CLPTM1L: variants seen among roughly 807,000 people sequenced by gnomAD.
The protein encoded by CLPTM1L is lipid scramblase CLPTM1L.
CLPTM1L carries 38 observed loss-of-function variants against 70.9 expected under a neutral mutation model. The observed-to-expected ratio is 0.54, with a 90% CI of 0.41 to 0.70. The LOEUF (loss-of-function observed/expected upper bound fraction) is 0.70. Among genes scored for constraint, CLPTM1L ranks in the 30% least tolerant of loss-of-function variants. The pLI is 0.00. For missense variants in CLPTM1L, 652 were observed against 705.9 expected, an observed-to-expected ratio of 0.92 and a Z score of 0.87; for synonymous variants, 339 against 299.9, an observed-to-expected ratio of 1.13 and a Z score of -1.35.
At chr5:1,323,737 G>A in intron 12 of CLPTM1L, 50 bp downstream of exon 12, 1 of 1,514,122 alleles carries the variant, frequency 6.6e-7, no homozygotes, top group Non-Finnish European at 9.2e-7. Context: ...TCATCCAAAT[G>A]GCTTTCTCAG....
intron 3 of CLPTM1L, 84 bp downstream of exon 3, chr5:1,341,586 GA>G: frequency 8.2e-7 from 1 of 1,214,706 alleles, no homozygotes; most frequent in Non-Finnish European, 1.2e-6. Flanking sequence ...TGGAGCCCTA[GA>G]CATCGCCCAC....
At chr5:1,339,865 CCACA>C (rs201747267) in intron 3 of CLPTM1L, among the ~76,000 whole-genome samples, 1,498 of 137,774 alleles carry the variant, frequency 0.011, 52 homozygotes, top group Admixed American at 0.025. Flanking sequence ...GAACAGATGG[CCACA>C]CAGACGGGCA....
At chr5:1,324,148 A>T in intron 11 of CLPTM1L, 1 of 467,164 alleles carries the variant, frequency 2.1e-6, no homozygotes, top group Non-Finnish European at 3.8e-6. Context: ...CCAACCCACA[A>T]CAGATCAATA....
intron 2 of CLPTM1L, among the ~76,000 whole-genome samples, 186 bp downstream of exon 2, chr5:1,344,165 T>C (rs1476935401): frequency 6.6e-6 from 1 of 152,240 alleles, no homozygotes; most frequent in East Asian, 1.9e-4. Flanking sequence ...TCATCACCTG[T>C]CACCTTCCAG....
chr5:1,322,681 T>C (rs893945951), intron 13 of CLPTM1L, among the ~76,000 whole-genome samples, 196 bp downstream of exon 13: 1 of 152,218 alleles, frequency 6.6e-6, no homozygotes, highest in Non-Finnish European at 1.5e-5. Context: ...CCAGTCACTG[T>C]TGTGAAGCCA....
chr5:1,318,312 C>T lies in CLPTM1L; in HGVS notation c.*57G>A. The T allele has an allele frequency of 7.2e-7, 1 of 1,393,234 alleles. No individual in the cohort carries two copies. Among genetic ancestry groups the T allele is most frequent in the Admixed American group, 1.7e-5 (1 of 58,098 alleles). The allele number at this position is 1,393,234 out of a possible 1,614,324, so 86.3% of individuals were successfully genotyped here. A position where few individuals can be genotyped will look rare whatever the true frequency, so the allele number is the denominator to read the frequency against. On this transcript the variant is annotated 3_prime_UTR_variant, in exon 17 of 17. Transcript: ENST00000320895. The surrounding 1 kb of genome is among the most constrained non-coding windows in gnomAD (Gnocchi z 8.9). ...GTCTAGGAATTCCTCCAAATGCTTC[C>T]AAAAATACTCATTGACAATTCAAGT... is the stretch of plus-strand genomic sequence containing the variant.
intron 5 of CLPTM1L, among the ~76,000 whole-genome samples, chr5:1,336,288 C>A (rs760953529): frequency 6.6e-6 from 1 of 152,224 alleles, no homozygotes; most frequent in Non-Finnish European, 1.5e-5. Context: ...CAGCACCTCT[C>A]GAATCTGGCC....
intron 9 of CLPTM1L, 74 bp downstream of exon 9, chr5:1,330,206 G>A (rs532177816): frequency 3.5e-5 from 44 of 1,250,764 alleles, no homozygotes; most frequent in African/African-American, 3.4e-4. Context: ...CTCAGGTCCC[G>A]GGGCTGAAAG....
chr5:1,323,663 C>T (rs541652447), intron 12 of CLPTM1L, 124 bp downstream of exon 12: 5 of 718,172 alleles, frequency 7.0e-6, no homozygotes, highest in African/African-American at 5.2e-5. Flanking sequence ...GGACCCCTCC[C>T]AGGCGCTGGC....
intron 9 of CLPTM1L, among the ~76,000 whole-genome samples, chr5:1,329,678 AG>A (rs1292241669): frequency 1.8e-5 from 2 of 108,316 alleles, no homozygotes; most frequent in East Asian, 5.4e-4. Flanking sequence ...ACAGGGCCTC[AG>A]GACTCTCTGC....
rs1274917756 is a variant in CLPTM1L, at chr5:1,341,578, G to A, written c.453+93C>T. 5.5e-6 allele frequency: 6 copies of A among 1,099,758 alleles called. No homozygotes were observed. The South Asian group carries it at 8.5e-5, about 16-fold the overall frequency. 68.1% of individuals were successfully genotyped at this position (1,099,758 alleles called of 1,614,324 possible). Reference sequence around the variant, plus strand: ...GGCTTTACTCCCAACAAAGTCACTGGAGCCCTAGACATCGCCCACCTGTGT... The same window carrying A: ...GGCTTTACTCCCAACAAAGTCACTGAAGCCCTAGACATCGCCCACCTGTGT... On this transcript the variant is annotated intron_variant, in intron 3 of 16. Coordinates refer to ENST00000320895, the MANE Select transcript of CLPTM1L (RefSeq NM_030782.5).
At chr5:1,325,520 AGAAGTGCTGCCGTCTGCACT>A (rs1165190860) in intron 10 of CLPTM1L, 1 of 548,348 alleles carries the variant, frequency 1.8e-6, no homozygotes, top group Non-Finnish European at 3.3e-6. Context: ...GCTCAGGCCC[AGAAGTGCTGCCGTCTGCACT>A]GAAGACGGTC....
rs1369730728 is a variant in CLPTM1L at position 1,318,643 on chromosome 5, A to G, written c.1533-190T>C. Among the ~76,000 whole-genome samples the G allele has an allele frequency of 6.6e-6, 1 of 152,200 alleles. No homozygotes were observed. The highest frequency in any genetic ancestry group is 2.4e-5 in the African/African-American group (1 of 41,456). ...ATTTCTGAGTTGTGTTTTGTTCTGCATGGCCAGGCCAGCGTGCTGCTCTCA... is the reference window on the plus strand; with the variant it reads ...ATTTCTGAGTTGTGTTTTGTTCTGCGTGGCCAGGCCAGCGTGCTGCTCTCA... On this transcript the variant is annotated intron_variant, in intron 16 of 16. Transcript: ENST00000320895. This position sits in a 1 kb window ranked among gnomAD's most constrained non-coding sequence, Gnocchi z 8.9.
intron 6 of CLPTM1L, 143 bp downstream of exon 6, chr5:1,334,914 C>T (rs1204533671): frequency 1.5e-5 from 9 of 611,370 alleles, no homozygotes; most frequent in East Asian, 5.5e-5. Flanking sequence ...GTGAGGCAGG[C>T]GCTGCTAGCC....
intron 16 of CLPTM1L, among the ~76,000 whole-genome samples, chr5:1,319,244 G>A (rs552145026): frequency 8.6e-5 from 13 of 151,890 alleles, no homozygotes; most frequent in Non-Finnish European, 1.2e-4. Flanking sequence ...AATGGTGAAC[G>A]GGGGACAGGA....
At chr5:1,343,060 G>T (rs1177550103) in intron 2 of CLPTM1L, among the ~76,000 whole-genome samples, 1 of 152,170 alleles carries the variant, frequency 6.6e-6, no homozygotes, top group Non-Finnish European at 1.5e-5. Flanking sequence ...GCGTGGTGGC[G>T]GGTGCCTGTA....
chr5:1,327,015 T>C (rs374883702), intron 9 of CLPTM1L, among the ~76,000 whole-genome samples: 3 of 147,348 alleles, frequency 2.0e-5, no homozygotes, highest in Admixed American at 6.7e-5. Flanking sequence ...GCTCCTCCTC[T>C]ACAGGGACAT....
At chr5:1,323,448 A>G (rs559979898) in intron 12 of CLPTM1L, among the ~76,000 whole-genome samples, 26 of 120,282 alleles carry the variant, frequency 2.2e-4, no homozygotes, top group Non-Finnish European at 1.7e-4. Context: ...CACCCCACCC[A>G]GGCAGCAGAG....
chr5:1,343,477 C>A (rs540850483), intron 2 of CLPTM1L, among the ~76,000 whole-genome samples: 2 of 152,172 alleles, frequency 1.3e-5, no homozygotes, highest in Non-Finnish European at 2.9e-5. Flanking sequence ...CGGCCCGGCA[C>A]GGAAGAGGCA....
Sources: gnomAD v4.1 joint callset for allele counts (sites outside exome capture counted in the v4.1 genomes callset) on GRCh38, gnomAD v4.1.1 for gene constraint, Gnocchi (gnomAD v3.1) non-coding constraint, MANE v1.5 for transcripts, NCBI Gene and HGNC (gene_info 2026-07-23, HGNC 2026-07-21) for gene names.